The following MARF1 variants were observed in gnomAD, a reference collection of about 807,000 sequenced individuals.
MARF1 encodes the protein meiosis regulator and mRNA stability factor 1, also known as limkain-b1.
MARF1 carries 24 observed loss-of-function variants against 168.2 expected under a neutral mutation model. The ratio of observed to expected loss-of-function variants is 0.14; its 90% CI spans 0.10 to 0.20. The LOEUF is 0.20. Among genes scored for constraint, MARF1 ranks in the 10% least tolerant of loss-of-function variants. MARF1 has a pLI of 1.00. For synonymous variants in MARF1, 868 were observed against 822.4 expected (o/e 1.06, Z -0.95); for missense variants, 1,744 against 2,143.6 (o/e 0.81, Z 3.68).
At chr16:15,623,154 T>A (rs767673966) in intron 10 of MARF1, 31 bp from the exon 11 acceptor site, 240 of 1,504,614 alleles carry the variant, frequency 1.6e-4, no homozygotes, top group Non-Finnish European at 2.0e-4. Flanking sequence ...GACATTATTT[T>A]AAAAAACTGT....
chr16:15,623,369 T>C (rs1207325425), intron 10 of MARF1, among the ~76,000 whole-genome samples: 2 of 130,546 alleles, frequency 1.5e-5, no homozygotes, highest in Non-Finnish European at 3.1e-5. Context: ...AACCTCCACC[T>C]CCTGGATTCA....
chr16:15,639,649 C>A (rs1193732352), intron 1 of MARF1, among the ~76,000 whole-genome samples: 1 of 152,208 alleles, frequency 6.6e-6, no homozygotes, highest in Non-Finnish European at 1.5e-5. Context: ...GATCCACCCT[C>A]CTCGGCCTCC....
At chr16:15,623,974 C>A (rs373405683) in intron 10 of MARF1, among the ~76,000 whole-genome samples, 1 of 146,480 alleles carries the variant, frequency 6.8e-6, no homozygotes, top group South Asian at 2.1e-4. Flanking sequence ...TGCAGTCATG[C>A]GATCTGAGCT....
chr16:15,601,471 C>T (rs1034458940), intron 23 of MARF1: 4 of 221,300 alleles, frequency 1.8e-5, no homozygotes, highest in African/African-American at 6.8e-5. Flanking sequence ...GGAGGAGCCA[C>T]GCCCTCCCTA....
At chr16:15,618,988 T>C (rs1273455397) in intron 13 of MARF1, among the ~76,000 whole-genome samples, 2 of 152,218 alleles carry the variant, frequency 1.3e-5, no homozygotes, top group Admixed American at 1.3e-4. Context: ...TAAAACTAGT[T>C]ACTCTGGCTG....
chr16:15,640,145 CATTGACAACT>C, intron 1 of MARF1, among the ~76,000 whole-genome samples: 1 of 152,326 alleles, frequency 6.6e-6, no homozygotes, highest in South Asian at 2.1e-4. Flanking sequence ...ACCACATCCT[CATTGACAACT>C]ATATGTAAGA....
Position 15,636,036 on chromosome 16 carries a change from C to T in MARF1, c.451G>A (p.Gly151Arg). 3 of 1,614,240 alleles carry T rather than the reference C, an allele frequency of 1.9e-6. No individual in the cohort carries two copies. The highest frequency in any genetic ancestry group is 8.5e-7 in the Non-Finnish European group (1 of 1,180,050). The change falls in exon 3 of 27, where the codon GGG (glycine) becomes AGG (arginine). Residue 151 changes from glycine to arginine, a missense_variant. Coordinates refer to ENST00000396368, the MANE Select transcript of MARF1 (RefSeq NM_014647.4). ...GAAGATGCAGACTGGAAAGCAAACC[C>T]TGACCCTACCTGACACGTGATTGTC... ...TRTITCQVGS[G>R]FAFQSASSLQ...
chr16:15,610,048 C>T (rs1306267158), intron 19 of MARF1, among the ~76,000 whole-genome samples: 2 of 152,180 alleles, frequency 1.3e-5, no homozygotes, highest in Non-Finnish European at 2.9e-5. Flanking sequence ...ACATGACACA[C>T]ACCCAGGTCC....
At position 15,625,581 on chromosome 16, in the gene MARF1, A is replaced by G. The variant is rs780062846; in HGVS notation, c.1744T>C (p.Phe582Leu). ...DVFGNRIIVS[F>L]TPKNRELCET... ...CAGAGTTCTCTATTTTTTGGAGTAA[A>G]TGACACAATGATCCTATTACCAAAG... is the stretch of plus-strand genomic sequence containing the variant. The change falls in exon 8 of 27, where the codon TTT (phenylalanine) becomes CTT (leucine). Residue 582 changes from phenylalanine to leucine, a missense_variant. Physicochemically the swap from Phe to Leu is conservative, Grantham distance 22. Transcript: ENST00000396368. 6 of 1,614,136 alleles carry G rather than the reference A, an allele frequency of 3.7e-6. No homozygotes were observed. The highest frequency in any genetic ancestry group is 5.1e-6 in the Non-Finnish European group (6 of 1,179,998).
intron 20 of MARF1, chr16:15,608,751 G>GT: frequency 5.5e-6 from 3 of 548,184 alleles, no homozygotes; most frequent in Non-Finnish European, 9.7e-6. Flanking sequence ...TAAGTTCTAT[G>GT]TTATGTGTAT....
chr16:15,601,650 G>A (rs890267673), intron 23 of MARF1: 2 of 398,618 alleles, frequency 5.0e-6, no homozygotes. Context: ...CCCAGGCTTG[G>A]GAAGTGGGCC....
chr16:15,625,915 GAC>G, intron 7 of MARF1, 115 bp from the exon 8 acceptor site: 4 of 759,532 alleles, frequency 5.3e-6, no homozygotes, highest in Non-Finnish European at 8.6e-6. Flanking sequence ...AAGAGAAGAT[GAC>G]AGTGATTTAG....
At chr16:15,632,105 T>C (rs2035294255) in intron 5 of MARF1, among the ~76,000 whole-genome samples, 1 of 152,252 alleles carries the variant, frequency 6.6e-6, no homozygotes, top group South Asian at 2.1e-4. Context: ...ACATTGGTTC[T>C]TGATATGAAC....
chr16:15,604,729 T>TGGCC (rs1228875322), intron 21 of MARF1, among the ~76,000 whole-genome samples: 2 of 152,112 alleles, frequency 1.3e-5, no homozygotes, highest in Non-Finnish European at 2.9e-5. Flanking sequence ...GGCCAGCTGA[T>TGGCC]GGCCAGTGGT....
intron 3 of MARF1, 30 bp from the exon 4 acceptor site, chr16:15,634,961 G>T: frequency 6.3e-7 from 1 of 1,596,632 alleles, no homozygotes; most frequent in South Asian, 1.1e-5. Flanking sequence ...AAAAGGAGGA[G>T]GTGTCAGATA....
intron 10 of MARF1, among the ~76,000 whole-genome samples, chr16:15,624,097 G>C (rs575487850): frequency 6.6e-6 from 1 of 151,558 alleles, no homozygotes; most frequent in African/African-American, 2.4e-5. Flanking sequence ...ATTTTTAGTA[G>C]AGATGGGGTT....
chr16:15,611,283 C>G (rs528978238), intron 18 of MARF1, among the ~76,000 whole-genome samples, 175 bp from the exon 19 acceptor site: 1 of 151,840 alleles, frequency 6.6e-6, no homozygotes, highest in East Asian at 1.9e-4. Flanking sequence ...ATGGTGAAAC[C>G]CCGTCTCTAC....
chr16:15,617,165 A>C lies in MARF1; in HGVS notation c.2964T>G (p.His988Gln). The change falls in exon 15 of 27, where the codon CAT (histidine) becomes CAG (glutamine). Residue 988 changes from histidine to glutamine, a missense_variant. By Grantham distance (24) the His-to-Gln change is conservative. This residue lies in a region of MARF1 where 543 missense variants were observed against 742.1 expected (regional missense o/e 0.73). Coordinates refer to ENST00000396368, the MANE Select transcript of MARF1 (RefSeq NM_014647.4). ...QHCSNKDFSE[H>Q]EFDPDSYKIP... ...TCTTGTAAGAGTCTGGATCAAATTC[A>C]TGTTCGCTGAAGAAAAGAGAACACA... 6.2e-7 allele frequency: 1 copy of C among 1,613,816 alleles called. No homozygotes were observed. Among genetic ancestry groups the C allele is most frequent in the Non-Finnish European group, 8.5e-7 (1 of 1,179,928 alleles).
intron 23 of MARF1, chr16:15,601,069 C>A (rs1480823434): frequency 1.9e-6 from 1 of 512,858 alleles, no homozygotes. Flanking sequence ...GAATTAAGAG[C>A]AATCTCTCAG....
Sources: gnomAD v4.1 joint callset for allele counts (sites outside exome capture counted in the v4.1 genomes callset) on GRCh38, gnomAD v4.1.1 for gene constraint, gnomAD v4.1.1 regional missense constraint, MANE v1.5 for transcripts, NCBI Gene and HGNC (gene_info 2026-07-23, HGNC 2026-07-21) for gene names.